PDZD2: variants seen among roughly 807,000 people sequenced by gnomAD.
The protein encoded by PDZD2 is PDZ domain-containing protein 2.
Under a neutral mutation model 220.7 loss-of-function variants are expected in PDZD2, and 90 were observed. The ratio of observed to expected loss-of-function variants is 0.41; its 90% CI spans 0.34 to 0.49. PDZD2 has a LOEUF of 0.49. PDZD2 is among the 20% of genes least tolerant of loss of function. PDZD2 has a pLI of 0.28. For missense variants in PDZD2, 3,174 were observed against 3,608.5 expected (o/e 0.88, Z 3.08); for synonymous variants, 1,375 against 1,450.5 (o/e 0.95, Z 1.18).
intron 1 of PDZD2, among the ~76,000 whole-genome samples, chr5:31,717,968 C>T (rs564518406): frequency 2.0e-5 from 3 of 152,346 alleles, no homozygotes; most frequent in African/African-American, 7.2e-5. Flanking sequence ...TCCTCTTTGC[C>T]TCTTTTCCTC....
chr5:31,685,750 C>G (rs947323543), intron 1 of PDZD2, among the ~76,000 whole-genome samples: 1 of 152,140 alleles, frequency 6.6e-6, no homozygotes, highest in Non-Finnish European at 1.5e-5. Flanking sequence ...TCTCAAACTC[C>G]TGGGATCAAG....
intron 1 of PDZD2, among the ~76,000 whole-genome samples, chr5:31,703,550 G>A (rs1747687177): frequency 6.6e-6 from 1 of 152,112 alleles, no homozygotes; most frequent in African/African-American, 2.4e-5. Context: ...CTAGATGACG[G>A]GTTGATGGGT....
chr5:31,783,031 G>A (rs1753146756), intron 1 of PDZD2, among the ~76,000 whole-genome samples: 1 of 152,048 alleles, frequency 6.6e-6, no homozygotes, highest in Non-Finnish European at 1.5e-5. Context: ...TAAATTTTAA[G>A]TTCCCAAAGG....
At position 32,090,777 on chromosome 5, in the gene PDZD2, G is replaced by T; in HGVS notation, c.7329G>T (p.Lys2443Asn). The change falls in exon 20 of 25, where the codon AAG becomes AAT. Residue 2443 changes from lysine (K) to asparagine (N), a missense_variant. Lys to Asn is a moderately conservative substitution (Grantham distance 94, BLOSUM62 0). Around this residue, in one of 4 missense-constraint regions of PDZD2, gnomAD observed 631 missense variants for 789.9 expected, o/e 0.80. Coordinates refer to ENST00000438447, the MANE Select transcript of PDZD2 (RefSeq NM_178140.4). The surrounding 1 kb of genome is among the most constrained non-coding windows in gnomAD (Gnocchi z 4.3). ...GCAAGGGCTCTGATTCGGAACTAAA[G>T]AAATCACTTGGTCCTTTGGGAATTC... The part of the protein sequence containing the change: ...TSSKGSDSEL[K>N]KSLGPLGIPT... The T allele has an allele frequency of 6.2e-7, 1 of 1,614,172 alleles. No individual in the cohort carries two copies. The highest frequency in any genetic ancestry group is 8.5e-7 in the Non-Finnish European group (1 of 1,180,038).
chr5:31,707,819 A>C (rs969597888), intron 1 of PDZD2, among the ~76,000 whole-genome samples: 1 of 152,012 alleles, frequency 6.6e-6, no homozygotes, highest in African/African-American at 2.4e-5. Context: ...TAGAGACAAG[A>C]GTTTCCCTAT....
chr5:31,849,979 CAT>C (rs202126122), intron 2 of PDZD2, among the ~76,000 whole-genome samples: 637 of 29,878 alleles, frequency 0.021, 137 homozygotes, highest in Admixed American at 0.067. Context: ...TATATATATA[CAT>C]ATATATATAT....
At chr5:31,735,985 A>C (rs1749837955) in intron 1 of PDZD2, among the ~76,000 whole-genome samples, 1 of 151,942 alleles carries the variant, frequency 6.6e-6, no homozygotes, top group Non-Finnish European at 1.5e-5. Context: ...AATTATATAG[A>C]GCACAAAGGA....
chr5:31,855,062 C>A, intron 2 of PDZD2: 1 of 985,398 alleles, frequency 1.0e-6, no homozygotes, highest in Non-Finnish European at 1.2e-6. Context: ...GCCCCGGGGG[C>A]GCGGAGACCG....
chr5:31,906,498 C>T (rs899933110), intron 2 of PDZD2, among the ~76,000 whole-genome samples: 2 of 151,926 alleles, frequency 1.3e-5, no homozygotes, highest in Non-Finnish European at 2.9e-5. Context: ...GTGTCAGCCA[C>T]CATGCGCGGC....
At chr5:31,769,836 T>G (rs185416556) in intron 1 of PDZD2, among the ~76,000 whole-genome samples, 2 of 152,354 alleles carry the variant, frequency 1.3e-5, no homozygotes, top group Admixed American at 1.3e-4. Flanking sequence ...TTCTTGTTGA[T>G]GAAAACTTTC....
intron 2 of PDZD2, among the ~76,000 whole-genome samples, chr5:31,883,023 C>CAAAAAAAAAAAAAAAAAA (rs781370177): frequency 2.1e-5 from 1 of 47,950 alleles, no homozygotes; most frequent in African/African-American, 7.6e-5. Context: ...GACTCTGTCT[C>CAAAAAAAAAAAAAAAAAA]AAAAAAAAAA....
intron 9 of PDZD2, among the ~76,000 whole-genome samples, chr5:32,052,975 C>T (rs948034082): frequency 3.3e-5 from 5 of 152,174 alleles, no homozygotes; most frequent in Non-Finnish European, 5.9e-5. Context: ...TGCACCCAGC[C>T]ACACATGTTC....
At chr5:31,767,965 C>G (rs1027084998) in intron 1 of PDZD2, among the ~76,000 whole-genome samples, 1 of 152,238 alleles carries the variant, frequency 6.6e-6, no homozygotes, top group African/African-American at 2.4e-5. Flanking sequence ...ACAACCAGAT[C>G]ATTCCTTTGG....
At chr5:31,989,426 T>TTTTTTTTTTTTTTTTTTTATTTATTTA (rs1561277958) in intron 3 of PDZD2, among the ~76,000 whole-genome samples, 76 of 146,400 alleles carry the variant, frequency 5.2e-4, no homozygotes, top group African/African-American at 1.7e-3. Context: ...CTTTTCTTTT[T>TTTTTTTTTTTTTTTTTTTATTTATTTA]TTTTTTTTTT....
chr5:31,702,051 C>T (rs1239954277), intron 1 of PDZD2, among the ~76,000 whole-genome samples: 1 of 152,256 alleles, frequency 6.6e-6, no homozygotes, highest in Non-Finnish European at 1.5e-5. Flanking sequence ...CTTATAGATA[C>T]ACAGTCAGTT....
intron 1 of PDZD2, among the ~76,000 whole-genome samples, chr5:31,773,682 T>C (rs1408296079): frequency 6.6e-6 from 1 of 152,044 alleles, no homozygotes; most frequent in East Asian, 1.9e-4. Context: ...TTGATTTATC[T>C]ACCTAGAAAG....
chr5:32,056,935 C>CA (rs914709047), intron 10 of PDZD2, among the ~76,000 whole-genome samples: 57 of 150,922 alleles, frequency 3.8e-4, no homozygotes, highest in African/African-American at 1.3e-3. Flanking sequence ...ACTAAAGATA[C>CA]AAAAAAAAAT....
intron 14 of PDZD2, among the ~76,000 whole-genome samples, chr5:32,063,455 G>A (rs1034335637): frequency 1.3e-5 from 2 of 152,204 alleles, no homozygotes; most frequent in Non-Finnish European, 2.9e-5. Flanking sequence ...ATGTGAACCT[G>A]GTATTGAACA....
intron 2 of PDZD2, among the ~76,000 whole-genome samples, chr5:31,824,618 C>A (rs117492456): frequency 2.6e-5 from 4 of 151,558 alleles, no homozygotes; most frequent in South Asian, 2.1e-4. Flanking sequence ...TGGGTGTTCA[C>A]GGCCGTGTGT....
Sources: allele counts gnomAD v4.1 joint callset (sites outside exome capture counted in the v4.1 genomes callset), GRCh38; gene constraint gnomAD v4.1.1; regional missense constraint gnomAD v4.1.1; non-coding constraint Gnocchi (gnomAD v3.1); transcripts MANE v1.5; gene names NCBI Gene and HGNC (gene_info 2026-07-23, HGNC 2026-07-21).